The following MTMR3 variants were observed in gnomAD, a reference collection of about 807,000 sequenced individuals.
The protein encoded by MTMR3 is phosphatidylinositol-3,5-bisphosphate 3-phosphatase MTMR3.
A neutral mutation model predicts 132.4 loss-of-function variants in MTMR3; 32 were observed. The ratio of observed to expected loss-of-function variants is 0.24; its 90% CI spans 0.18 to 0.32. MTMR3 has a LOEUF of 0.32. Among genes scored for constraint, MTMR3 ranks in the 10% least tolerant of loss-of-function variants. MTMR3 has a pLI of 1.00. For missense variants in MTMR3, 1,216 were observed against 1,489.6 expected, an observed-to-expected ratio of 0.82 and a Z score of 3.02; for synonymous variants, 556 against 550.3, an observed-to-expected ratio of 1.01 and a Z score of -0.14.
intron 1 of MTMR3, among the ~76,000 whole-genome samples, chr22:29,897,679 G>A (rs530352900): frequency 6.6e-6 from 1 of 152,024 alleles, no homozygotes; most frequent in South Asian, 2.1e-4. Flanking sequence ...TTTTGAACTG[G>A]CCTCAAGTGA....
At chr22:29,978,387 C>A (rs2066672880) in intron 3 of MTMR3, 55 bp from the exon 4 acceptor site, 3 of 1,455,620 alleles carry the variant, frequency 2.1e-6, no homozygotes, top group South Asian at 1.2e-5. Flanking sequence ...GCAGAAAAAC[C>A]AAATATGAAT....
intron 1 of MTMR3, among the ~76,000 whole-genome samples, chr22:29,944,392 A>T (rs1237544965): frequency 6.6e-6 from 1 of 151,916 alleles, no homozygotes; most frequent in Non-Finnish European, 1.5e-5. Context: ...TAGTTTTGTG[A>T]TGTTTTATTC....
At chr22:29,916,491 G>T (rs574917588) in intron 1 of MTMR3, among the ~76,000 whole-genome samples, 1 of 152,278 alleles carries the variant, frequency 6.6e-6, no homozygotes, top group African/African-American at 2.4e-5. Flanking sequence ...TCTGGAAACT[G>T]CCTCAAAATA....
intron 1 of MTMR3, among the ~76,000 whole-genome samples, chr22:29,918,337 C>CT (rs1459313514): frequency 1.3e-5 from 2 of 152,206 alleles, no homozygotes; most frequent in African/African-American, 4.8e-5. Flanking sequence ...AAGCAGGCAT[C>CT]TCTAAAGTGG....
intron 1 of MTMR3, among the ~76,000 whole-genome samples, chr22:29,885,636 A>AC (rs1242256244): frequency 6.6e-6 from 1 of 152,162 alleles, no homozygotes; most frequent in Non-Finnish European, 1.5e-5. Context: ...TTGCTCCTAA[A>AC]CCATCTGACT....
chr22:30,011,243 A>G (rs1021431621), intron 12 of MTMR3: 3 of 152,242 alleles, frequency 2.0e-5, no homozygotes, highest in African/African-American at 7.2e-5. Flanking sequence ...ACATTTGGGA[A>G]AAATCAACTC....
At chr22:29,977,564 C>G (rs140706325) in intron 3 of MTMR3, among the ~76,000 whole-genome samples, 5 of 152,022 alleles carry the variant, frequency 3.3e-5, no homozygotes, top group Admixed American at 6.6e-5. Flanking sequence ...AGTTCTTAAG[C>G]TTACTTTTTC....
rs959323624 is a variant in MTMR3 at position 30,030,179 on chromosome 22, T to G, written c.*4378T>G. On this transcript the variant is annotated 3_prime_UTR_variant, in exon 20 of 20. Coordinates refer to ENST00000401950, the MANE Select transcript of MTMR3 (RefSeq NM_021090.4). Reference sequence around the variant, plus strand: ...GAGTTACCAGGTTTTTAAATGCTGCTATTGTTTTATTTACCATTTAAGGTC... The same window carrying G: ...GAGTTACCAGGTTTTTAAATGCTGCGATTGTTTTATTTACCATTTAAGGTC... 4 of 152,322 alleles carry G rather than the reference T, an allele frequency of 2.6e-5. No homozygotes were observed. The highest frequency in any genetic ancestry group is 5.9e-5 in the Non-Finnish European group (4 of 68,038). 9.4% of individuals were successfully genotyped at this position (152,322 alleles called of 1,614,324 possible).
intron 1 of MTMR3, among the ~76,000 whole-genome samples, chr22:29,910,519 G>A (rs1171647165): frequency 1.3e-5 from 2 of 152,176 alleles, no homozygotes; most frequent in Admixed American, 1.3e-4. Flanking sequence ...TTTCTTCAGG[G>A]AGAGTTAGCT....
intron 15 of MTMR3, chr22:30,017,646 G>A (rs1569052262): frequency 5.7e-6 from 2 of 347,904 alleles, no homozygotes; most frequent in South Asian, 4.2e-5. Flanking sequence ...GACATTGAAG[G>A]TGACCTAAGA....
intron 5 of MTMR3, chr22:29,982,937 T>TTTTGTGTG (rs752531735): frequency 2.7e-5 from 4 of 146,280 alleles, no homozygotes; most frequent in Admixed American, 1.4e-4. Context: ...AAAAGTTTGT[T>TTTTGTGTG]TGTGTGTGTG....
intron 15 of MTMR3, 49 bp downstream of exon 15, chr22:30,016,747 G>A (rs750823842): frequency 1.9e-6 from 3 of 1,566,360 alleles, no homozygotes; most frequent in Admixed American, 3.7e-5. Context: ...GGAATTTGGG[G>A]TTGGTTACAT....
At chr22:29,918,096 C>T (rs1453626161) in intron 1 of MTMR3, among the ~76,000 whole-genome samples, 1 of 152,042 alleles carries the variant, frequency 6.6e-6, no homozygotes, top group Admixed American at 6.5e-5. Flanking sequence ...CTGCTGGTTG[C>T]CTCATATTGC....
chr22:29,918,907 A>G lies in MTMR3; in HGVS notation c.-138+35548A>G, dbSNP rs139914754. ...TTTGTATGGTTAGTTGAATTGTCTTATTTCCTATTTATTTATTTTTTATTG... is the reference window on the plus strand; with the variant it reads ...TTTGTATGGTTAGTTGAATTGTCTTGTTTCCTATTTATTTATTTTTTATTG... On this transcript the variant is annotated intron_variant, in intron 1 of 19. Transcript: ENST00000401950. Among the ~76,000 whole-genome samples the G allele has an allele frequency of 1.6e-3, 244 of 152,200 alleles. 1 individual carries two copies. The highest frequency in any genetic ancestry group is 5.6e-3 in the African/African-American group (233 of 41,514).
Position 30,019,563 on chromosome 22 carries a change from C to G in MTMR3, c.1904C>G (p.Pro635Arg). The change falls in exon 17 of 20, where the codon CCC (proline) becomes CGC (arginine). Residue 635 changes from proline to arginine, a missense_variant. This residue lies in a region of MTMR3 where 852 missense variants were observed against 852.0 expected (regional missense o/e 1.00). Coordinates refer to ENST00000401950, the MANE Select transcript of MTMR3 (RefSeq NM_021090.4). ...VPLASRRCSDPSLNEKWQEHR... is the reference protein window; with the variant it reads ...VPLASRRCSDRSLNEKWQEHR... Reference sequence around the variant, plus strand: ...CTGGCCAGCCGGCGCTGCAGCGACCCCAGCCTGAACGAGAAGTGGCAGGAG... The same window carrying G: ...CTGGCCAGCCGGCGCTGCAGCGACCGCAGCCTGAACGAGAAGTGGCAGGAG... 1.2e-6 allele frequency: 2 copies of G among 1,613,730 alleles called. No individual in the cohort carries two copies. Among genetic ancestry groups the G allele is most frequent in the Non-Finnish European group, 1.7e-6 (2 of 1,180,028 alleles).
intron 1 of MTMR3, among the ~76,000 whole-genome samples, chr22:29,954,057 G>GTTTTTTTTTTTTTT (rs753326368): frequency 1.4e-4 from 7 of 49,090 alleles, no homozygotes; most frequent in African/African-American, 6.2e-4. Flanking sequence ...TTTCAAATGA[G>GTTTTTTTTTTTTTT]TCTTTTTTTT....
At position 30,030,461 on chromosome 22, in the gene MTMR3, C is replaced by G. The variant is rs1292626906; in HGVS notation, c.*4660C>G. Reference sequence around the variant, plus strand: ...TGTAACAGCATTGGTTCTGCTGTAGCCTCGGTGACCATTTAAGTTGAATAA... The same window carrying G: ...TGTAACAGCATTGGTTCTGCTGTAGGCTCGGTGACCATTTAAGTTGAATAA... On this transcript the variant is annotated 3_prime_UTR_variant, in exon 20 of 20. Transcript: ENST00000401950. 1 of 152,148 alleles carries G rather than the reference C, an allele frequency of 6.6e-6. No individual in the cohort carries two copies. The highest frequency in any genetic ancestry group is 2.4e-5 in the African/African-American group (1 of 41,362). 9.4% of individuals were successfully genotyped at this position (152,148 alleles called of 1,614,324 possible).
At chr22:29,894,535 TG>T (rs1251420378) in intron 1 of MTMR3, among the ~76,000 whole-genome samples, 38 of 151,806 alleles carry the variant, frequency 2.5e-4, no homozygotes, top group Middle Eastern at 3.4e-3. Flanking sequence ...TGTGTGTGTG[TG>T]TTGTGGTATG....
chr22:29,917,533 A>G (rs1341520961), intron 1 of MTMR3, among the ~76,000 whole-genome samples: 2 of 152,224 alleles, frequency 1.3e-5, no homozygotes, highest in African/African-American at 2.4e-5. Flanking sequence ...AAAAGTTGCA[A>G]TACATACCTA....
Sources: gnomAD v4.1 joint callset for allele counts (sites outside exome capture counted in the v4.1 genomes callset) on GRCh38, gnomAD v4.1.1 for gene constraint, gnomAD v4.1.1 regional missense constraint, MANE v1.5 for transcripts, NCBI Gene and HGNC (gene_info 2026-07-23, HGNC 2026-07-21) for gene names.